STRN: variants seen among roughly 807,000 people sequenced by gnomAD.
STRN encodes the protein striatin.
Under a neutral mutation model 96.3 loss-of-function variants are expected in STRN, and 53 were observed. The observed-to-expected ratio is 0.55, with a 90% CI of 0.44 to 0.69. The LOEUF (loss-of-function observed/expected upper bound fraction) is 0.69. STRN is among the 30% of genes least tolerant of loss of function. The pLI is 0.00. For synonymous variants in STRN, 428 were observed against 355.9 expected (o/e 1.20, Z -2.28); for missense variants, 987 against 963.9 (o/e 1.02, Z -0.32).
chr2:36,903,506 C>T (rs763831478), intron 4 of STRN, among the ~76,000 whole-genome samples: 1 of 152,124 alleles, frequency 6.6e-6, no homozygotes, highest in Non-Finnish European at 1.5e-5. Context: ...TTGACCAGAA[C>T]AGACCAAAAG....
chr2:36,928,163 ACCTC>A (rs1670466385), intron 1 of STRN, among the ~76,000 whole-genome samples: 2 of 152,202 alleles, frequency 1.3e-5, no homozygotes, highest in African/African-American at 4.8e-5. Flanking sequence ...CTGTAAAACG[ACCTC>A]AGTCGAAAGC....
At chr2:36,953,068 T>G (rs1664800203) in intron 1 of STRN, among the ~76,000 whole-genome samples, 1 of 152,230 alleles carries the variant, frequency 6.6e-6, no homozygotes, top group Non-Finnish European at 1.5e-5. Context: ...TTGGATCTGA[T>G]TTCTCTCACA....
intron 3 of STRN, among the ~76,000 whole-genome samples, chr2:36,907,158 C>T (rs1165977720): frequency 1.3e-5 from 2 of 152,136 alleles, no homozygotes; most frequent in African/African-American, 4.8e-5. Context: ...TTTCCTCAGC[C>T]CTTGATCAAA....
intron 15 of STRN, among the ~76,000 whole-genome samples, chr2:36,853,635 A>G (rs1176887477): frequency 6.6e-6 from 1 of 152,218 alleles, no homozygotes; most frequent in Non-Finnish European, 1.5e-5. Flanking sequence ...ATTGACATCA[A>G]TGAGAAGAAG....
intron 16 of STRN, among the ~76,000 whole-genome samples, chr2:36,850,140 A>G (rs1461018977): frequency 6.6e-6 from 1 of 152,236 alleles, no homozygotes; most frequent in Non-Finnish European, 1.5e-5. Flanking sequence ...CTGGCAAATT[A>G]TGAGTTGTGG....
chr2:36,959,666 A>G (rs953181174), intron 1 of STRN, among the ~76,000 whole-genome samples: 1 of 152,246 alleles, frequency 6.6e-6, no homozygotes, highest in Non-Finnish European at 1.5e-5. Flanking sequence ...ATCATCAGAA[A>G]GAACAATGGA....
intron 9 of STRN, among the ~76,000 whole-genome samples, chr2:36,881,971 C>T (rs1012172183): frequency 2.0e-5 from 3 of 152,148 alleles, no homozygotes; most frequent in African/African-American, 7.2e-5. Context: ...ACCATGACCT[C>T]ACATCTGTAA....
chr2:36,891,911 C>T (rs1488197789), intron 7 of STRN, among the ~76,000 whole-genome samples: 2 of 152,156 alleles, frequency 1.3e-5, no homozygotes, highest in South Asian at 2.1e-4. Flanking sequence ...AGGTATCTTA[C>T]TTTTTTTCAT....
At chr2:36,854,408 A>C (rs546234660) in intron 15 of STRN, among the ~76,000 whole-genome samples, 3 of 152,214 alleles carry the variant, frequency 2.0e-5, no homozygotes, top group Non-Finnish European at 4.4e-5. Context: ...AAGTCTCAGC[A>C]TATCAGAAGA....
intron 1 of STRN, among the ~76,000 whole-genome samples, chr2:36,930,460 T>A (rs1420698919): frequency 6.6e-6 from 1 of 151,876 alleles, no homozygotes; most frequent in African/African-American, 2.4e-5. Context: ...TCATTATCAT[T>A]TGGTGACATC....
At chr2:36,901,673 A>G (rs1423110155) in intron 5 of STRN, among the ~76,000 whole-genome samples, 1 of 152,172 alleles carries the variant, frequency 6.6e-6, no homozygotes, top group African/African-American at 2.4e-5. Context: ...GAGAAATAAC[A>G]TGCCTTACAT....
intron 1 of STRN, among the ~76,000 whole-genome samples, chr2:36,932,361 G>A (rs910027309): frequency 6.6e-6 from 1 of 152,046 alleles, no homozygotes; most frequent in Non-Finnish European, 1.5e-5. Flanking sequence ...CACCGTGTTG[G>A]CCAGGCTGGT....
chr2:36,901,076 A>C (rs1240580271), intron 5 of STRN, among the ~76,000 whole-genome samples: 2 of 151,802 alleles, frequency 1.3e-5, no homozygotes, highest in Non-Finnish European at 1.5e-5. Flanking sequence ...TTTCAAATCT[A>C]CTTACAGCTT....
chr2:36,944,433 A>G (rs140137473), intron 1 of STRN, among the ~76,000 whole-genome samples: 42 of 152,348 alleles, frequency 2.8e-4, no homozygotes, highest in Admixed American at 1.1e-3. Context: ...AAACAAAATA[A>G]TGTGTAAGAG....
intron 9 of STRN, among the ~76,000 whole-genome samples, chr2:36,883,647 A>G (rs1006038890): frequency 1.9e-4 from 29 of 152,180 alleles, no homozygotes; most frequent in Admixed American, 8.5e-4. Flanking sequence ...AATTTTTCCA[A>G]TGTTGGAATG....
chr2:36,939,305 C>T (rs1179328611), intron 1 of STRN, among the ~76,000 whole-genome samples: 1 of 152,132 alleles, frequency 6.6e-6, no homozygotes, highest in Non-Finnish European at 1.5e-5. Context: ...ACTCAGGGAT[C>T]TCCCGTTGCT....
chr2:36,856,714 T>C (rs1668349691), intron 14 of STRN, among the ~76,000 whole-genome samples: 1 of 152,178 alleles, frequency 6.6e-6, no homozygotes, highest in Non-Finnish European at 1.5e-5. Context: ...ACGGTTTGGA[T>C]CTGTGTCCTC....
intron 1 of STRN, among the ~76,000 whole-genome samples, chr2:36,950,653 G>A (rs1201111340): frequency 1.3e-5 from 2 of 152,140 alleles, no homozygotes; most frequent in Non-Finnish European, 2.9e-5. Flanking sequence ...TATCCCCAGT[G>A]CCTAGGAGAA....
Position 36,857,874 on chromosome 2 carries a change from C to T in STRN, c.1819G>A (p.Val607Ile), listed in dbSNP as rs777830150. Residue 607 changes from valine to isoleucine, a missense_variant, in exon 14 of 18, where the codon GTA (valine) becomes ATA (isoleucine). By Grantham distance (29) the Val-to-Ile change is conservative. Transcript: ENST00000263918. ...TATGTACCTTTAGTATCATTAAATA[C>T]ACTTAGTGCTGGAGCAACCTCAGTT... is the stretch of plus-strand genomic sequence containing the variant. ...NTTEVAPALS[V>I]FNDTKELGIP... 44 of 1,613,690 alleles carry T rather than the reference C, an allele frequency of 2.7e-5. No homozygotes were observed. Among genetic ancestry groups the T allele is most frequent in the Admixed American group, 1.0e-4 (6 of 59,954 alleles).
Sources: allele counts gnomAD v4.1 joint callset (sites outside exome capture counted in the v4.1 genomes callset), GRCh38; gene constraint gnomAD v4.1.1; transcripts MANE v1.5; gene names NCBI Gene and HGNC (gene_info 2026-07-23, HGNC 2026-07-21).